The following POTEI variants were observed in gnomAD, a reference collection of about 807,000 sequenced individuals.
POTEI encodes POTE ankyrin domain family, member I.
In POTEI, 14 loss-of-function variants were observed where a neutral mutation model predicts 43.4. The ratio of observed to expected loss-of-function variants is 0.32; its 90% CI spans 0.21 to 0.50. The LOEUF is 0.50. Ranked by LOEUF, POTEI falls within the 20% of genes least tolerant of loss-of-function variation. POTEI has a pLI of 0.98. For missense variants in POTEI, 235 were observed against 795.4 expected, an observed-to-expected ratio of 0.30 and a Z score of 8.47; for synonymous variants, 95 against 297.9, an observed-to-expected ratio of 0.32 and a Z score of 7.01.
At chr2:130,468,259 C>CAT (rs1377636708) in intron 13 of POTEI, among the ~76,000 whole-genome samples, 3 of 141,140 alleles carry the variant, frequency 2.1e-5, no homozygotes, top group Non-Finnish European at 3.1e-5. Flanking sequence ...GACGTATATA[C>CAT]ATATATATAT....
intron 9 of POTEI, among the ~76,000 whole-genome samples, chr2:130,482,532 G>C (rs1307593140): frequency 6.7e-6 from 1 of 150,130 alleles, no homozygotes; most frequent in East Asian, 2.0e-4. Flanking sequence ...GGAATAATTT[G>C]TTCCTAAACT....
intron 13 of POTEI, among the ~76,000 whole-genome samples, chr2:130,466,991 TG>T (rs1329870206): frequency 2.7e-5 from 1 of 37,326 alleles, no homozygotes; most frequent in Non-Finnish European, 5.4e-5. Context: ...TAAAGATAAC[TG>T]GAAAACACCA....
At chr2:130,492,917 G>A (rs536869444) in intron 6 of POTEI, among the ~76,000 whole-genome samples, 1 of 151,818 alleles carries the variant, frequency 6.6e-6, no homozygotes, top group South Asian at 2.1e-4. Context: ...TTCCTACCCA[G>A]TCCATAAATT....
rs1185633765 is a variant in POTEI, at chr2:130,460,057, G to A, written c.*2759C>T. On this transcript the variant is annotated 3_prime_UTR_variant, in exon 15 of 15. Transcript: ENST00000451531. ...AAGGGCTGCCGTATGGAGAGGCAATGTGCAGGCTGGTGCGTGGCTCTAGGG... is the reference window on the plus strand; with the variant it reads ...AAGGGCTGCCGTATGGAGAGGCAATATGCAGGCTGGTGCGTGGCTCTAGGG... 6.7e-6 allele frequency: 1 copy of A among 150,360 alleles called. No homozygotes were observed. The highest frequency in any genetic ancestry group is 1.5e-5 in the Non-Finnish European group (1 of 68,028). The allele number at this position is 150,360 out of a possible 1,614,324, so 9.3% of individuals were successfully genotyped here.
At chr2:130,507,313 TATATACACACACACAC>T (rs1684200581) in intron 1 of POTEI, among the ~76,000 whole-genome samples, 1 of 8,626 alleles carries the variant, frequency 1.2e-4, no homozygotes, top group Non-Finnish European at 5.2e-4. Context: ...TATATATATA[TATATACACACACACAC>T]ACACACACAT....
chr2:130,494,772 C>G (rs1161179584), intron 6 of POTEI, among the ~76,000 whole-genome samples: 1 of 143,660 alleles, frequency 7.0e-6, no homozygotes, highest in East Asian at 2.2e-4. Flanking sequence ...CTGGTTCTTA[C>G]TGTTTTAGCC....
rs546178322 is a variant in POTEI, at chr2:130,477,638, C to A, written c.1481-937G>T. Among the ~76,000 whole-genome samples the A allele has an allele frequency of 3.6e-5, 5 of 140,466 alleles. No homozygotes were observed. The East Asian group carries it at 1.2e-3, about 33-fold the overall frequency. The allele number at this position is 140,466 out of a possible 152,430, so 92.2% of individuals were successfully genotyped here. On this transcript the variant is annotated intron_variant, in intron 10 of 14. Transcript: ENST00000451531. ...TCCAAGACTGCAGGGGAGAGTCTTGCACATCATCTTTGTAAAAACAGTCTT... is the reference window on the plus strand; with the variant it reads ...TCCAAGACTGCAGGGGAGAGTCTTGAACATCATCTTTGTAAAAACAGTCTT...
chr2:130,477,092 G>A (rs1837320), intron 10 of POTEI, among the ~76,000 whole-genome samples: 6,693 of 146,024 alleles, frequency 0.046, 598 homozygotes, highest in African/African-American at 0.17. Flanking sequence ...AGTGTACAAC[G>A]TCTTCCTAAT....
At chr2:130,498,270 C>T (rs1683969056) in intron 5 of POTEI, among the ~76,000 whole-genome samples, 1 of 54,604 alleles carries the variant, frequency 1.8e-5, no homozygotes, top group Non-Finnish European at 3.9e-5. Context: ...CAACAACAGC[C>T]TCAAAGGATC....
intron 14 of POTEI, among the ~76,000 whole-genome samples, chr2:130,464,618 A>T (rs1224530166): frequency 8.6e-5 from 13 of 151,210 alleles, no homozygotes; most frequent in Non-Finnish European, 1.6e-4. Context: ...CAATTTCTCA[A>T]AGTTCTTAAA....
chr2:130,496,347 A>G, intron 6 of POTEI, among the ~76,000 whole-genome samples: 1 of 96,428 alleles, frequency 1.0e-5, no homozygotes, highest in African/African-American at 2.7e-5. Flanking sequence ...ATTCTACATT[A>G]TGGTAAGTTG....
intron 6 of POTEI, among the ~76,000 whole-genome samples, 181 bp downstream of exon 6, chr2:130,496,371 T>C (rs1683903796): frequency 2.0e-5 from 2 of 102,412 alleles, no homozygotes; most frequent in East Asian, 2.9e-4. Flanking sequence ...AATTATTTCA[T>C]TATATATTAC....
At chr2:130,468,736 T>A (rs1682944530) in intron 13 of POTEI, among the ~76,000 whole-genome samples, 1 of 151,984 alleles carries the variant, frequency 6.6e-6, no homozygotes. Context: ...TTAAAATATC[T>A]AAATGTCATT....
rs1487855873 is a variant in POTEI, at chr2:130,460,209, T to C, written c.*2607A>G. 1 of 151,096 alleles carries C rather than the reference T, an allele frequency of 6.6e-6. No individual in the cohort carries two copies. Among genetic ancestry groups the C allele is most frequent in the Admixed American group, 6.6e-5 (1 of 15,236 alleles). 9.4% of individuals were successfully genotyped at this position (151,096 alleles called of 1,614,324 possible). ...GGGGCCATGGGAGAGGCGAGCAGAC[T>C]AAGGAGTGCTGAGATCAGACCAGCC... On this transcript the variant is annotated 3_prime_UTR_variant, in exon 15 of 15. Coordinates refer to ENST00000451531, the MANE Select transcript of POTEI (RefSeq NM_001277406.2).
chr2:130,491,879 T>C (rs1419686716), intron 6 of POTEI, among the ~76,000 whole-genome samples: 2 of 45,712 alleles, frequency 4.4e-5, no homozygotes, highest in African/African-American at 1.0e-4. Flanking sequence ...TCCTGATCTT[T>C]TGACCTTGTG....
intron 10 of POTEI, among the ~76,000 whole-genome samples, chr2:130,477,607 C>T (rs1163332326): frequency 1.4e-5 from 2 of 146,570 alleles, no homozygotes; most frequent in African/African-American, 5.2e-5. Flanking sequence ...TGTCTGTCCC[C>T]TCTGCTCCAA....
chr2:130,507,082 G>C lies in POTEI; in HGVS notation c.521+1633C>G, dbSNP rs566247803. 2.8e-5 allele frequency among the ~76,000 whole-genome samples: 4 copies of C among 144,924 alleles called. No individual in the cohort carries two copies. The South Asian group carries it at 9.3e-4, about 34-fold the overall frequency. On this transcript the variant is annotated intron_variant, in intron 1 of 14. Coordinates refer to ENST00000451531, the MANE Select transcript of POTEI (RefSeq NM_001277406.2). ...GTTCAAGACCTGCCTGGCCAAGATG[G>C]TGAAACCCCATCTCTAGTAAAAATA...
chr2:130,477,817 G>C (rs1391191625), intron 10 of POTEI, among the ~76,000 whole-genome samples: 2 of 144,088 alleles, frequency 1.4e-5, no homozygotes, highest in East Asian at 4.2e-4. Context: ...ATTAAAAGGG[G>C]TAGAGGGCAG....
chr2:130,468,009 T>C (rs555119501), intron 13 of POTEI, among the ~76,000 whole-genome samples: 23 of 128,198 alleles, frequency 1.8e-4, no homozygotes, highest in African/African-American at 6.7e-4. Context: ...GATACACTGC[T>C]GGTGGGAATG....
Sources: allele counts gnomAD v4.1 joint callset (sites outside exome capture counted in the v4.1 genomes callset), GRCh38; gene constraint gnomAD v4.1.1; transcripts MANE v1.5; gene names NCBI Gene and HGNC (gene_info 2026-07-23, HGNC 2026-07-21).